Variants in SCML1 observed in about 807,000 individuals in gnomAD.
SCML1 encodes the protein Scm polycomb group protein like 1.
For synonymous variants in SCML1, 104 were observed against 103.6 expected (o/e 1.00, Z -0.02); for missense variants, 137 against 258.1 (o/e 0.53, Z 3.22).
At chrX:17,750,365 A>G in intron 6 of SCML1, 72 bp downstream of exon 6, 1 of 1,019,131 alleles carries the variant, frequency 9.8e-7, no homozygotes, top group Non-Finnish European at 1.3e-6. Context: ...TTTGATGGAG[A>G]ATAGGTATAC....
rs987676442 is a variant in SCML1, at chrX:17,750,423, A to G, written c.703+130A>G. ...TCTGGTTTGGTGAGTTTGAAATGCCATATTTACAAGTAGCACTATTTGACC... is the reference window on the plus strand; with the variant it reads ...TCTGGTTTGGTGAGTTTGAAATGCCGTATTTACAAGTAGCACTATTTGACC... On this transcript the variant is annotated intron_variant, in intron 6 of 7. Coordinates refer to ENST00000380041, the MANE Select transcript of SCML1 (RefSeq NM_001037540.3). 1.8e-5 allele frequency: 12 copies of G among 674,748 alleles called. No homozygotes were observed. The African/African-American group carries it at 2.7e-4, about 15-fold the overall frequency. 55.6% of individuals were successfully genotyped at this position (674,748 alleles called of 1,213,427 possible).
At chrX:17,748,213 T>A (rs762830584) in intron 4 of SCML1, among the ~76,000 whole-genome samples, 30 of 111,730 alleles carry the variant, frequency 2.7e-4, no homozygotes, top group African/African-American at 9.1e-4. Context: ...TTTACTTGTC[T>A]CTCTCCCAGC....
Position 17,754,979 on chromosome X carries a change from T to C in SCML1, c.*1587T>C, listed in dbSNP as rs754579156. On this transcript the variant is annotated 3_prime_UTR_variant, in exon 8 of 8. Transcript: ENST00000380041. Reference sequence around the variant, plus strand: ...AAATATTAATAAAGTTAAATCACAATAGTTCATTGAAAGCCTCAGATGTGA... The same window carrying C: ...AAATATTAATAAAGTTAAATCACAACAGTTCATTGAAAGCCTCAGATGTGA... 21 of 113,015 alleles carry C rather than the reference T, an allele frequency of 1.9e-4. No homozygotes were observed. Among genetic ancestry groups the C allele is most frequent in the Middle Eastern group, 9.1e-3 (2 of 219 alleles). The allele number at this position is 113,015 out of a possible 1,213,427, so 9.3% of individuals were successfully genotyped here.
chrX:17,748,528 T>C (rs997592039), intron 4 of SCML1, among the ~76,000 whole-genome samples: 1 of 111,699 alleles, frequency 9.0e-6, no homozygotes, highest in Non-Finnish European at 1.9e-5. Context: ...TTTCGGTCCA[T>C]GTTCTCAATA....
intron 3 of SCML1, 71 bp from the exon 4 acceptor site, chrX:17,745,946 TC>T: frequency 5.4e-6 from 3 of 550,811 alleles, no homozygotes; most frequent in Non-Finnish European, 8.7e-6. Flanking sequence ...TAAATATAGC[TC>T]CCCCCTGCCC....
chrX:17,753,429 T>C lies in SCML1; in HGVS notation c.*37T>C. 1 of 1,056,896 alleles carries C rather than the reference T, an allele frequency of 9.5e-7. No individual in the cohort carries two copies. Among genetic ancestry groups the C allele is most frequent in the Non-Finnish European group, 1.2e-6 (1 of 801,722 alleles). The allele number at this position is 1,056,896 out of a possible 1,213,427, so 87.1% of individuals were successfully genotyped here. The stretch of plus-strand genomic sequence containing the variant: ...TGCAAATTTAGATTGGGCCAACTTC[T>C]AGAGGCACCAATGCCTTCTTAGTGT... On this transcript the variant is annotated 3_prime_UTR_variant, in exon 8 of 8. Coordinates refer to ENST00000380041, the MANE Select transcript of SCML1 (RefSeq NM_001037540.3).
chrX:17,740,557 T>C (rs2066585732), intron 1 of SCML1, among the ~76,000 whole-genome samples: 1 of 111,747 alleles, frequency 8.9e-6, no homozygotes, highest in Admixed American at 9.4e-5. Context: ...ACAGCTAGTA[T>C]GTGGGGGAGG....
intron 1 of SCML1, among the ~76,000 whole-genome samples, chrX:17,739,812 G>A (rs988101653): frequency 3.3e-5 from 3 of 89,911 alleles, no homozygotes; most frequent in Non-Finnish European, 6.2e-5. Context: ...TCATGCCACT[G>A]CACTCCAGCC....
rs761623486 is a variant in SCML1, at chrX:17,750,036, A to G, written c.446A>G (p.Asn149Ser). The G allele has an allele frequency of 1.7e-6, 2 of 1,211,981 alleles. No homozygotes were observed. Among genetic ancestry groups the G allele is most frequent in the Non-Finnish European group, 2.2e-6 (2 of 895,578 alleles). ...PTLPVSRRENNSPSNLPRPSF... is the reference protein window; with the variant it reads ...PTLPVSRRENSSPSNLPRPSF... ...TTACCAGTGTCAAGGCGTGAGAATA[A>G]TTCCCCGAGCAACCTTCCAAGGCCA... The change falls in exon 6 of 8, where the codon AAT becomes AGT. Residue 149 changes from asparagine (N) to serine (S), a missense_variant. Coordinates refer to ENST00000380041, the MANE Select transcript of SCML1 (RefSeq NM_001037540.3).
Position 17,753,369 on chromosome X carries a change from C to A in SCML1, c.967C>A (p.Gln323Lys). 1 of 1,136,292 alleles carries A rather than the reference C, an allele frequency of 8.8e-7. No homozygotes were observed. The highest frequency in any genetic ancestry group is 1.2e-6 in the Non-Finnish European group (1 of 854,245). 93.6% of individuals were successfully genotyped at this position (1,136,292 alleles called of 1,213,427 possible). Residue 323 changes from glutamine (Q) to lysine (K), a missense_variant, in exon 8 of 8, where the codon CAA becomes AAA. Transcript: ENST00000380041. ...ATGCTACTACATTGACCGACTTAAA[C>A]AAGGAAAATGCTTTGAAAATTGAAA... Reference protein sequence around the residue: ...KLCYYIDRLKQGKCFEN With the variant: ...KLCYYIDRLKKGKCFEN
intron 2 of SCML1, 51 bp downstream of exon 2, chrX:17,744,270 T>C (rs2038444771): frequency 2.0e-6 from 2 of 995,949 alleles, no homozygotes; most frequent in Admixed American, 4.7e-5. Context: ...TGTGCTATAC[T>C]TCTACTCTAA....
chrX:17,750,388 C>A, intron 6 of SCML1, 95 bp downstream of exon 6: 1 of 902,553 alleles, frequency 1.1e-6, no homozygotes. Context: ...GATCATCTCT[C>A]TGCTTCCCTT....
chrX:17,752,414 C>T (rs1306238727), intron 7 of SCML1, among the ~76,000 whole-genome samples: 2 of 112,108 alleles, frequency 1.8e-5, no homozygotes, highest in African/African-American at 6.5e-5. Flanking sequence ...TACCCTCTTG[C>T]TATTATCAGA....
intron 4 of SCML1, among the ~76,000 whole-genome samples, chrX:17,746,688 T>C (rs2066644541): frequency 8.9e-6 from 1 of 112,240 alleles, no homozygotes; most frequent in South Asian, 3.7e-4. Context: ...TTTGGGTGTT[T>C]ATCATGATCA....
At chrX:17,740,815 A>G (rs1350414981) in intron 1 of SCML1, among the ~76,000 whole-genome samples, 2 of 112,539 alleles carry the variant, frequency 1.8e-5, no homozygotes, top group African/African-American at 6.5e-5. Flanking sequence ...GAGACACAAC[A>G]GGGTATTATG....
chrX:17,738,163 C>T (rs1279445548), intron 1 of SCML1, among the ~76,000 whole-genome samples: 1 of 112,343 alleles, frequency 8.9e-6, no homozygotes, highest in Non-Finnish European at 1.9e-5. Flanking sequence ...ATTGTAAATA[C>T]GTAAATGAGG....
At chrX:17,751,394 TTAACC>T (rs746958011) in intron 6 of SCML1, among the ~76,000 whole-genome samples, 89 of 112,216 alleles carry the variant, frequency 7.9e-4, no homozygotes, top group African/African-American at 2.7e-3. Context: ...GCTAGTAAAA[TTAACC>T]TAATCTAGAT....
intron 2 of SCML1, chrX:17,745,170 T>A: frequency 5.1e-6 from 1 of 196,796 alleles, no homozygotes. Flanking sequence ...TAGAAATATT[T>A]GCTTTTAAAG....
In SCML1 at chrX:17,753,303, C is replaced by T; in HGVS notation, c.901C>T (p.Leu301=). 1 of 1,184,610 alleles carries T rather than the reference C, an allele frequency of 8.4e-7. No homozygotes were observed. The highest frequency in any genetic ancestry group is 2.3e-5 in the Admixed American group (1 of 43,638). The change falls in exon 8 of 8, where the codon CTG becomes TTG. Residue 301 remains leucine, a synonymous_variant. Transcript: ENST00000380041. ...GCTCCTACTCACGAGTGACGTGTTGCTGAAGCACTTGGGGGTGAAGCTGGG... is the reference window on the plus strand; with the variant it reads ...GCTCCTACTCACGAGTGACGTGTTGTTGAAGCACTTGGGGGTGAAGCTGGG... The part of the protein sequence containing the change: ...ALLLLTSDVL[L]KHLGVKLGTA...
Sources: gnomAD v4.1 joint callset for allele counts (sites outside exome capture counted in the v4.1 genomes callset) on GRCh38, gnomAD v4.1.1 for gene constraint, MANE v1.5 for transcripts, NCBI Gene and HGNC (gene_info 2026-07-23, HGNC 2026-07-21) for gene names.